DDAH1: variants seen among roughly 807,000 people sequenced by gnomAD.
DDAH1 encodes the protein dimethylarginine dimethylaminohydrolase 1.
In DDAH1, 19 loss-of-function variants were observed where a neutral mutation model predicts 28.8. The observed-to-expected ratio is 0.66, with a 90% CI of 0.46 to 0.97. The LOEUF is 0.97. Ranked by LOEUF, DDAH1 falls within the 50% of genes least tolerant of loss-of-function variation. The probability of loss-of-function intolerance (pLI) is 0.00; values close to 1 mark genes in which losing one functional copy is unlikely to be tolerated. For synonymous variants in DDAH1, 153 were observed against 154.4 expected (o/e 0.99, Z 0.07); for missense variants, 326 against 375.9 (o/e 0.87, Z 1.10).
At chr1:85,450,922 A>G (rs1328462390) in intron 1 of DDAH1, among the ~76,000 whole-genome samples, 3 of 152,246 alleles carry the variant, frequency 2.0e-5, no homozygotes, top group Non-Finnish European at 4.4e-5. Context: ...TCATTCACTT[A>G]GAAGATCAGA....
chr1:85,416,666 TTTTC>T lies in DDAH1; in HGVS notation c.303+48073_303+48076del, dbSNP rs1037155801. 3.3e-5 allele frequency among the ~76,000 whole-genome samples: 5 copies of T among 152,250 alleles called. No individual in the cohort carries two copies. The South Asian group carries it at 8.3e-4, about 25-fold the overall frequency. On this transcript the variant is annotated intron_variant, in intron 1 of 5. Coordinates refer to ENST00000284031, the MANE Select transcript of DDAH1 (RefSeq NM_012137.4). ...ATCAGACAACTGAACTGGTGCCTTC[TTTTC>T]TTTTTTTCTTTTTTTGAAACAGGGT...
intron 1 of DDAH1, among the ~76,000 whole-genome samples, chr1:85,518,806 ACTCCTCTCTAAGCCTCAGGCTC>A (rs2100759711): frequency 6.6e-6 from 1 of 152,140 alleles, no homozygotes; most frequent in Admixed American, 6.5e-5. Flanking sequence ...TCTATCTGCC[ACTCCTCTCTAAGCCTCAGGCTC>A]CTCATCTCTA....
rs1022785144 is a variant in DDAH1 at position 85,332,508 on chromosome 1, C to G, written c.598-7625G>C. On this transcript the variant is annotated intron_variant, in intron 4 of 5. Transcript: ENST00000284031. ...CCATTGTCATAGCCACCTGAGCAAA[C>G]CGTCTGGGGCTTGGAAATTGCTCTG... Among the ~76,000 whole-genome samples the G allele has an allele frequency of 2.0e-5, 3 of 152,224 alleles. No individual in the cohort carries two copies. The South Asian group carries it at 6.2e-4, about 31-fold the overall frequency.
chr1:85,429,038 T>C (rs1245243204), intron 1 of DDAH1, among the ~76,000 whole-genome samples: 1 of 152,096 alleles, frequency 6.6e-6, no homozygotes, highest in Non-Finnish European at 1.5e-5. Context: ...TTATATACTT[T>C]AAGTTCTGGG....
chr1:85,378,283 T>A (rs1334615700), intron 1 of DDAH1, among the ~76,000 whole-genome samples: 2 of 152,222 alleles, frequency 1.3e-5, no homozygotes, highest in Admixed American at 1.3e-4. Context: ...GTTATGTGCT[T>A]AGCATGTCTT....
chr1:85,500,144 T>C (rs962505265), intron 1 of DDAH1, among the ~76,000 whole-genome samples: 1 of 57,604 alleles, frequency 1.7e-5, no homozygotes, highest in Non-Finnish European at 4.4e-5. Flanking sequence ...CTTTCTTTCT[T>C]TCTTTTCTTT....
At chr1:85,363,594 T>G (rs193265125) in intron 1 of DDAH1, among the ~76,000 whole-genome samples, 1 of 152,328 alleles carries the variant, frequency 6.6e-6, no homozygotes, top group East Asian at 1.9e-4. Flanking sequence ...CCTTTTAATG[T>G]TGAGTGTGAC....
At chr1:85,341,891 T>A (rs1307238393) in intron 4 of DDAH1, among the ~76,000 whole-genome samples, 1 of 151,910 alleles carries the variant, frequency 6.6e-6, no homozygotes, top group Non-Finnish European at 1.5e-5. Flanking sequence ...GAAAGGACAA[T>A]ATCACATTAA....
chr1:85,558,793 T>A (rs141123246), intron 1 of DDAH1, among the ~76,000 whole-genome samples: 184 of 152,302 alleles, frequency 1.2e-3, no homozygotes, highest in African/African-American at 4.2e-3. Context: ...TACCAAAGAA[T>A]ACATATTATC....
At chr1:85,423,562 A>G (rs928990145) in intron 1 of DDAH1, among the ~76,000 whole-genome samples, 1 of 150,322 alleles carries the variant, frequency 6.7e-6, no homozygotes, top group African/African-American at 2.5e-5. Flanking sequence ...CTGTAAATGT[A>G]TTGTTTTTAA....
intron 1 of DDAH1, among the ~76,000 whole-genome samples, chr1:85,525,005 T>C (rs1341513010): frequency 1.8e-5 from 2 of 108,810 alleles, no homozygotes; most frequent in Non-Finnish European, 2.1e-5. Flanking sequence ...TGGCACACAT[T>C]AAAGAATATC....
Position 85,464,675 on chromosome 1 carries a change from A to G in DDAH1, c.303+68T>C. ...GGCCAATGGCGCGACTCCCCAGGCA[A>G]CACGGCGGCCGGCGGCGGGGGAGGG... On this transcript the variant is annotated intron_variant, in intron 1 of 5. Coordinates refer to ENST00000284031, the MANE Select transcript of DDAH1 (RefSeq NM_012137.4). This position sits in a 1 kb window ranked among gnomAD's most constrained non-coding sequence, Gnocchi z 4.4. The G allele has an allele frequency of 7.0e-7, 1 of 1,431,652 alleles. No individual in the cohort carries two copies. The highest frequency in any genetic ancestry group is 9.1e-7 in the Non-Finnish European group (1 of 1,098,938). The allele number at this position is 1,431,652 out of a possible 1,614,324, so 88.7% of individuals were successfully genotyped here.
intron 1 of DDAH1, among the ~76,000 whole-genome samples, chr1:85,373,306 T>C (rs891796935): frequency 6.6e-6 from 1 of 152,126 alleles, no homozygotes; most frequent in Non-Finnish European, 1.5e-5. Context: ...ATTTAGAATC[T>C]GTGCAGTGAA....
At chr1:85,421,770 C>A (rs778818050) in intron 1 of DDAH1, among the ~76,000 whole-genome samples, 2 of 152,178 alleles carry the variant, frequency 1.3e-5, no homozygotes, top group Non-Finnish European at 2.9e-5. Flanking sequence ...TTAAAGATTA[C>A]TTATTTCTTA....
rs925294293 is a variant in DDAH1, at chr1:85,444,988, G to A, written c.303+19755C>T. Among the ~76,000 whole-genome samples the A allele has an allele frequency of 9.2e-5, 14 of 152,332 alleles. No homozygotes were observed. The East Asian group carries it at 2.5e-3, about 27-fold the overall frequency. ...AAGTTCCAAAACTGAAGAACTTGGAGTCCAATGTTCTAGGGCAGGAAGCAT... is the reference window on the plus strand; with the variant it reads ...AAGTTCCAAAACTGAAGAACTTGGAATCCAATGTTCTAGGGCAGGAAGCAT... On this transcript the variant is annotated intron_variant, in intron 1 of 5. Coordinates refer to ENST00000284031, the MANE Select transcript of DDAH1 (RefSeq NM_012137.4).
intron 1 of DDAH1, among the ~76,000 whole-genome samples, chr1:85,449,929 C>T (rs948097145): frequency 6.6e-6 from 1 of 152,086 alleles, no homozygotes; most frequent in Non-Finnish European, 1.5e-5. Flanking sequence ...ATTCTTGTCC[C>T]TTCCAGCAGA....
intron 1 of DDAH1, among the ~76,000 whole-genome samples, chr1:85,385,657 T>C (rs1351124087): frequency 6.6e-6 from 1 of 152,202 alleles, no homozygotes; most frequent in Non-Finnish European, 1.5e-5. Flanking sequence ...AAATGAGGCC[T>C]CATTTTGAAT....
intron 1 of DDAH1, among the ~76,000 whole-genome samples, chr1:85,574,940 G>C (rs918530943): frequency 9.2e-5 from 14 of 151,806 alleles, no homozygotes; most frequent in Non-Finnish European, 1.9e-4. Context: ...GGAGAAAACG[G>C]GTTAAAAACA....
chr1:85,468,161 A>G (rs1330926986), upstream of DDAH1, among the ~76,000 whole-genome samples: 1 of 152,270 alleles, frequency 6.6e-6, no homozygotes, highest in African/African-American at 2.4e-5. Flanking sequence ...TCCAACACAT[A>G]TAATGGCACA....
Sources: gnomAD v4.1 joint callset for allele counts (sites outside exome capture counted in the v4.1 genomes callset) on GRCh38, gnomAD v4.1.1 for gene constraint, Gnocchi (gnomAD v3.1) non-coding constraint, MANE v1.5 for transcripts, NCBI Gene and HGNC (gene_info 2026-07-23, HGNC 2026-07-21) for gene names.